Variants in AKR1C2 observed in about 807,000 individuals in gnomAD.
AKR1C2 encodes aldo-keto reductase family 1 member C2.
A neutral mutation model predicts 39.8 loss-of-function variants in AKR1C2; 27 were observed. The ratio of observed to expected loss-of-function variants is 0.68; its 90% CI spans 0.50 to 0.93. AKR1C2 has a LOEUF of 0.93. Ranked by LOEUF, AKR1C2 falls within the 40% of genes least tolerant of loss-of-function variation. The pLI, the probability that AKR1C2 is intolerant of heterozygous loss-of-function variation, is 0.00. For synonymous variants in AKR1C2, 114 were observed against 137.9 expected, an observed-to-expected ratio of 0.83 and a Z score of 1.22; for missense variants, 263 against 365.1, an observed-to-expected ratio of 0.72 and a Z score of 2.28.
chr10:5,007,283 G>A (rs1445423293), upstream of AKR1C2: 4 of 138,088 alleles, frequency 2.9e-5, no homozygotes, highest in African/African-American at 1.0e-4. Flanking sequence ...ATGTATTTGT[G>A]AAATTTGCTT....
upstream of AKR1C2, among the ~76,000 whole-genome samples, chr10:5,007,793 C>G (rs1423681807): frequency 2.0e-5 from 3 of 150,246 alleles, no homozygotes; most frequent in African/African-American, 7.5e-5. Context: ...AAATCAAAAA[C>G]AAGTTATTTC....
chr10:4,988,244 G>T lies in AKR1C2; in HGVS notation c.*1752C>A, dbSNP rs1252521722. 6 of 152,190 alleles carry T rather than the reference G, an allele frequency of 3.9e-5. No individual in the cohort carries two copies. The highest frequency in any genetic ancestry group is 1.4e-4 in the African/African-American group (6 of 41,450). The allele number at this position is 152,190 out of a possible 1,614,324, so 9.4% of individuals were successfully genotyped here. A position where few individuals can be genotyped will look rare whatever the true frequency, so the allele number is the denominator to read the frequency against. Reference sequence around the variant, plus strand: ...TGACACTTACATCAGTCAAGTTTATGAGATGTGAAATTATCATTCCATAGA... The same window carrying T: ...TGACACTTACATCAGTCAAGTTTATTAGATGTGAAATTATCATTCCATAGA... On this transcript the variant is annotated 3_prime_UTR_variant, in exon 9 of 9. Transcript: ENST00000380753.
intron 5 of AKR1C2, among the ~76,000 whole-genome samples, chr10:4,996,982 A>G (rs529945185): frequency 1.7e-3 from 258 of 152,172 alleles, no homozygotes; most frequent in Non-Finnish European, 1.9e-3. Flanking sequence ...TGGGAATATG[A>G]CTTCTTCTGT....
intron 1 of AKR1C2, chr10:5,014,965 G>A (rs1837608070): frequency 6.6e-6 from 1 of 152,240 alleles, no homozygotes; most frequent in Non-Finnish European, 1.5e-5. Flanking sequence ...AGAAGTCCCT[G>A]TTGGGAGAGT....
At chr10:4,998,465 G>A (rs1554773397) in intron 5 of AKR1C2, among the ~76,000 whole-genome samples, 160 bp downstream of exon 5, 1 of 152,156 alleles carries the variant, frequency 6.6e-6, no homozygotes, top group African/African-American at 2.4e-5. Context: ...TTCTAAGCAG[G>A]GTACAAGTAA....
intron 7 of AKR1C2, among the ~76,000 whole-genome samples, chr10:4,994,522 G>T (rs542073429): frequency 6.6e-6 from 1 of 152,142 alleles, no homozygotes; most frequent in Non-Finnish European, 1.5e-5. Flanking sequence ...TCTGAGCCTA[G>T]ACCTAAAAAG....
At chr10:5,012,547 T>A (rs1837544824) in intron 1 of AKR1C2, among the ~76,000 whole-genome samples, 1 of 150,980 alleles carries the variant, frequency 6.6e-6, no homozygotes, top group African/African-American at 2.5e-5. Flanking sequence ...GCTTTCAAGA[T>A]AGAATAAGTG....
upstream of AKR1C2, among the ~76,000 whole-genome samples, chr10:5,005,178 A>G (rs1323794228): frequency 2.0e-5 from 3 of 152,166 alleles, no homozygotes; most frequent in Admixed American, 6.5e-5. Context: ...TTCAAAAGCC[A>G]TTGGTTATTT....
At chr10:4,999,064 C>T in intron 4 of AKR1C2, 136 bp downstream of exon 4, 3 of 1,573,422 alleles carry the variant, frequency 1.9e-6, no homozygotes, top group Non-Finnish European at 2.6e-6. Flanking sequence ...TTCCTCGCTG[C>T]TCACAAAAAC....
chr10:4,990,940 G>C (rs1251895647), intron 8 of AKR1C2, among the ~76,000 whole-genome samples: 1 of 150,754 alleles, frequency 6.6e-6, no homozygotes, highest in African/African-American at 2.5e-5. Context: ...ACCAAATTTT[G>C]GGTACTTATG....
At chr10:5,009,571 G>A (rs1470015820) in intron 1 of AKR1C2, among the ~76,000 whole-genome samples, 1 of 151,590 alleles carries the variant, frequency 6.6e-6, no homozygotes, top group Non-Finnish European at 1.5e-5. Flanking sequence ...ATATGGACAG[G>A]AGACAGGGAA....
chr10:5,002,997 C>T (rs1837317735), intron 1 of AKR1C2, among the ~76,000 whole-genome samples: 2 of 152,214 alleles, frequency 1.3e-5, no homozygotes, highest in Non-Finnish European at 2.9e-5. Flanking sequence ...CCTATTCACA[C>T]ACATTGTATT....
At chr10:5,015,722 A>G (rs1837625692) in intron 1 of AKR1C2, 1 of 152,232 alleles carries the variant, frequency 6.6e-6, no homozygotes, top group Admixed American at 6.5e-5. Context: ...GAGAATAGTG[A>G]AACTTTGCTC....
upstream of AKR1C2, among the ~76,000 whole-genome samples, chr10:5,005,265 G>C (rs140783982): frequency 2.0e-5 from 3 of 152,332 alleles, no homozygotes; most frequent in African/African-American, 7.2e-5. Context: ...TGAGTTTTAC[G>C]TAGGGCTGAT....
chr10:5,004,109 A>G (rs781929490), upstream of AKR1C2: 105 of 283,934 alleles, frequency 3.7e-4, no homozygotes, highest in Non-Finnish European at 6.1e-4. Flanking sequence ...TATATATGAG[A>G]CATAAATTAC....
chr10:5,008,694 G>A (rs782125752), upstream of AKR1C2, among the ~76,000 whole-genome samples: 12 of 152,238 alleles, frequency 7.9e-5, no homozygotes, highest in South Asian at 2.1e-4. Flanking sequence ...ACAGAAGTGG[G>A]ATGTCCTTGA....
At chr10:5,016,344 A>C (rs1837638827) in intron 1 of AKR1C2, among the ~76,000 whole-genome samples, 1 of 152,196 alleles carries the variant, frequency 6.6e-6, no homozygotes, top group Non-Finnish European at 1.5e-5. Context: ...GATACAATGG[A>C]AATGGGGTAT....
intron 2 of AKR1C2, among the ~76,000 whole-genome samples, chr10:5,001,283 C>T (rs1837262620): frequency 6.6e-6 from 1 of 152,164 alleles, no homozygotes; most frequent in Non-Finnish European, 1.5e-5. Context: ...TTGATCTGTG[C>T]TGAGCTCGAA....
intron 3 of AKR1C2, chr10:4,999,659 C>T (rs1837189791): frequency 5.5e-6 from 1 of 181,704 alleles, no homozygotes; most frequent in African/African-American, 2.4e-5. Context: ...TATCAGAGTT[C>T]TTTATCTCCC....
Sources: gnomAD v4.1 joint callset for allele counts (sites outside exome capture counted in the v4.1 genomes callset) on GRCh38, gnomAD v4.1.1 for gene constraint, MANE v1.5 for transcripts, NCBI Gene and HGNC (gene_info 2026-07-23, HGNC 2026-07-21) for gene names.